The following PCMTD1 variants were observed in gnomAD, a reference collection of about 807,000 sequenced individuals.
PCMTD1 encodes protein-L-isoaspartate O-methyltransferase domain-containing protein 1.
Under a neutral mutation model 37.6 loss-of-function variants are expected in PCMTD1, and 12 were observed. The ratio of observed to expected loss-of-function variants is 0.32; its 90% CI spans 0.20 to 0.52. The LOEUF (loss-of-function observed/expected upper bound fraction) is 0.52. Ranked by LOEUF, PCMTD1 falls within the 20% of genes least tolerant of loss-of-function variation. The pLI is 0.97. For missense variants in PCMTD1, 235 were observed against 421.3 expected, an observed-to-expected ratio of 0.56 and a Z score of 3.87; for synonymous variants, 117 against 135.8, an observed-to-expected ratio of 0.86 and a Z score of 0.96.
intron 1 of PCMTD1, among the ~76,000 whole-genome samples, chr8:51,863,954 A>G (rs1457609205): frequency 2.0e-5 from 3 of 151,920 alleles, no homozygotes; most frequent in African/African-American, 4.8e-5. Context: ...ATCCAATCAA[A>G]TGACTGCATG....
At chr8:51,853,961 C>T (rs1166375604) in intron 2 of PCMTD1, among the ~76,000 whole-genome samples, 1 of 152,082 alleles carries the variant, frequency 6.6e-6, no homozygotes, top group Non-Finnish European at 1.5e-5. Flanking sequence ...TTGATTTGGG[C>T]AGTTCAAATA....
intron 1 of PCMTD1, among the ~76,000 whole-genome samples, chr8:51,894,806 C>A (rs1230713656): frequency 6.6e-6 from 1 of 150,640 alleles, no homozygotes; most frequent in Non-Finnish European, 1.5e-5. Context: ...AAAAAAAATT[C>A]TAAGAAAAGG....
intron 2 of PCMTD1, among the ~76,000 whole-genome samples, chr8:51,855,576 G>T (rs1479726869): frequency 1.5e-5 from 1 of 65,852 alleles, no homozygotes. Flanking sequence ...AAAAAAAAGT[G>T]TAACACAGTA....
intron 5 of PCMTD1, among the ~76,000 whole-genome samples, chr8:51,823,903 A>G (rs34949360): frequency 0.062 from 9,390 of 152,312 alleles, 380 homozygotes; most frequent in Non-Finnish European, 0.088. Flanking sequence ...ATGCAAATCA[A>G]TAAACGTAAT....
In PCMTD1 at chr8:51,861,181, A is replaced by G; in HGVS notation, c.-30T>C. The G allele has an allele frequency of 1.3e-6, 2 of 1,544,064 alleles. No individual in the cohort carries two copies. Among genetic ancestry groups the G allele is most frequent in the Non-Finnish European group, 1.7e-6 (2 of 1,143,414 alleles). ...GTATTCAAATCAAATCATAAATTTA[A>G]AAGTGAAATAAAATTAGTAGAAATG... On this transcript the variant is annotated 5_prime_UTR_variant, in exon 2 of 6. Coordinates refer to ENST00000522514, the MANE Select transcript of PCMTD1 (RefSeq NM_052937.4).
rs140234418 is a variant in PCMTD1 at position 51,840,930 on chromosome 8, C to T, written c.410+4731G>A. 2.4e-4 allele frequency among the ~76,000 whole-genome samples: 36 copies of T among 152,202 alleles called. No homozygotes were observed. In the East Asian group the frequency reaches 6.8e-3, roughly 29 times the overall value. On this transcript the variant is annotated intron_variant, in intron 3 of 5. Transcript: ENST00000522514. The stretch of plus-strand genomic sequence containing the variant: ...GTGAATTAAGTGCATTAACAGCATT[C>T]CTTAATTCTAATGTGAAAAAAGTAA...
chr8:51,829,950 T>C (rs2037976275), intron 5 of PCMTD1, among the ~76,000 whole-genome samples: 3 of 152,206 alleles, frequency 2.0e-5, no homozygotes, highest in African/African-American at 7.2e-5. Flanking sequence ...AGGTTCCTTT[T>C]TGGTAAAGAA....
chr8:51,874,950 T>C (rs1297163941), intron 1 of PCMTD1, among the ~76,000 whole-genome samples: 1 of 152,176 alleles, frequency 6.6e-6, no homozygotes, highest in Non-Finnish European at 1.5e-5. Flanking sequence ...CTCCATTTCA[T>C]TAAGAAATTG....
intron 1 of PCMTD1, among the ~76,000 whole-genome samples, chr8:51,865,666 G>A (rs1040861868): frequency 6.6e-6 from 1 of 151,764 alleles, no homozygotes; most frequent in Admixed American, 6.6e-5. Context: ...AGACACAGAG[G>A]GAAGATACCT....
At chr8:51,898,552 T>A (rs976983973) in intron 1 of PCMTD1, among the ~76,000 whole-genome samples, 13 of 152,008 alleles carry the variant, frequency 8.6e-5, no homozygotes, top group Admixed American at 6.5e-4. Context: ...GCCTCGGGAC[T>A]CTGGTCCCCA....
chr8:51,837,220 C>T (rs981330647), intron 3 of PCMTD1, among the ~76,000 whole-genome samples: 1 of 152,234 alleles, frequency 6.6e-6, no homozygotes, highest in Non-Finnish European at 1.5e-5. Flanking sequence ...AATCAAATCT[C>T]TAAATTAATA....
At chr8:51,888,020 G>A (rs1402636775) in intron 1 of PCMTD1, among the ~76,000 whole-genome samples, 2 of 152,122 alleles carry the variant, frequency 1.3e-5, no homozygotes, top group East Asian at 3.9e-4. Flanking sequence ...TGGGATTACA[G>A]GCATGAGCCA....
chr8:51,851,979 C>T (rs2038314977), intron 2 of PCMTD1, among the ~76,000 whole-genome samples: 1 of 152,154 alleles, frequency 6.6e-6, no homozygotes, highest in Non-Finnish European at 1.5e-5. Context: ...ATCATTTTCC[C>T]TGGAAGACAT....
intron 1 of PCMTD1, among the ~76,000 whole-genome samples, chr8:51,866,057 T>C (rs1432942896): frequency 1.3e-5 from 2 of 151,312 alleles, no homozygotes; most frequent in African/African-American, 2.4e-5. Context: ...ATCAATCCCA[T>C]TTACAACAAC....
intron 1 of PCMTD1, among the ~76,000 whole-genome samples, chr8:51,888,938 T>A (rs2038900888): frequency 6.6e-6 from 1 of 152,186 alleles, no homozygotes; most frequent in Non-Finnish European, 1.5e-5. Context: ...CATCTGGAAC[T>A]GCTTTGCTCT....
At chr8:51,835,280 ATAT>A (rs1464311137) in intron 3 of PCMTD1, among the ~76,000 whole-genome samples, 3 of 152,152 alleles carry the variant, frequency 2.0e-5, no homozygotes, top group African/African-American at 4.8e-5. Context: ...TCCCTTCAAG[ATAT>A]AGTTGAAATA....
chr8:51,848,600 T>TA (rs1347363963), intron 2 of PCMTD1, among the ~76,000 whole-genome samples: 2 of 152,316 alleles, frequency 1.3e-5, no homozygotes, highest in East Asian at 3.9e-4. Context: ...GCTTATTATC[T>TA]AAAAGCAAAG....
Position 51,820,411 on chromosome 8 carries a change from G to A in PCMTD1, c.1014C>T (p.Ile338=), listed in dbSNP as rs367901539. The A allele has an allele frequency of 1.2e-5, 19 of 1,610,954 alleles. No homozygotes were observed. The African/African-American group carries it at 2.4e-4, about 20-fold the overall frequency. Residue 338 remains isoleucine (I), a synonymous_variant, in exon 6 of 6, where the codon ATC becomes ATT. Transcript: ENST00000522514. ...AAGATTCAGGGAGGGGCAGCTTCATGATTTTTTCTCTCAGTAAATTTTGAG... is the reference window on the plus strand; with the variant it reads ...AAGATTCAGGGAGGGGCAGCTTCATAATTTTTTCTCTCAGTAAATTTTGAG... ...EPPQNLLREK[I]MKLPLPESLK...
chr8:51,868,594 T>C (rs1183460327), intron 1 of PCMTD1, among the ~76,000 whole-genome samples: 2 of 152,054 alleles, frequency 1.3e-5, no homozygotes, highest in African/African-American at 4.8e-5. Context: ...AGATGAAGTA[T>C]AATAAAGCCA....
Sources: allele counts gnomAD v4.1 joint callset (sites outside exome capture counted in the v4.1 genomes callset), GRCh38; gene constraint gnomAD v4.1.1; transcripts MANE v1.5; gene names NCBI Gene and HGNC (gene_info 2026-07-23, HGNC 2026-07-21).